Variants in SKAP2 observed in about 807,000 individuals in gnomAD.
SKAP2 encodes the protein src kinase associated phosphoprotein 2.
A neutral mutation model predicts 54.9 loss-of-function variants in SKAP2; 28 were observed. The ratio of observed to expected loss-of-function variants is 0.51; its 90% CI spans 0.38 to 0.70. SKAP2 has a LOEUF of 0.70. Ranked by LOEUF, SKAP2 falls within the 30% of genes least tolerant of loss-of-function variation. The pLI is 0.00. For synonymous variants in SKAP2, 137 were observed against 134.3 expected (o/e 1.02, Z -0.14); for missense variants, 356 against 424.1 (o/e 0.84, Z 1.41).
At chr7:26,825,036 T>C (rs909430598) in intron 4 of SKAP2, among the ~76,000 whole-genome samples, 3 of 152,218 alleles carry the variant, frequency 2.0e-5, no homozygotes, top group Non-Finnish European at 2.9e-5. Context: ...CACCAGGTCC[T>C]AGTGCTACAG....
chr7:26,731,856 C>T (rs1051618501), intron 6 of SKAP2, among the ~76,000 whole-genome samples: 6 of 152,196 alleles, frequency 3.9e-5, no homozygotes, highest in African/African-American at 1.4e-4. Flanking sequence ...TGCCACCTAC[C>T]AAAATCTAAA....
At chr7:26,708,276 T>A (rs555876510) in intron 9 of SKAP2, among the ~76,000 whole-genome samples, 1 of 152,366 alleles carries the variant, frequency 6.6e-6, no homozygotes, top group South Asian at 2.1e-4. Context: ...CGTGAATGTT[T>A]GCTGGGGCTT....
chr7:26,741,613 G>T (rs971603401), intron 4 of SKAP2, among the ~76,000 whole-genome samples: 7 of 151,838 alleles, frequency 4.6e-5, no homozygotes, highest in Admixed American at 1.3e-4. Flanking sequence ...AATATAATTG[G>T]ATTCTTTGTA....
intron 1 of SKAP2, among the ~76,000 whole-genome samples, chr7:26,855,653 CTCT>C (rs1785146977): frequency 6.6e-6 from 1 of 152,002 alleles, no homozygotes; most frequent in Non-Finnish European, 1.5e-5. Context: ...CCCTCATAGC[CTCT>C]TTTTTTAATT....
At chr7:26,718,825 A>G (rs1787517942) in intron 9 of SKAP2, among the ~76,000 whole-genome samples, 1 of 152,084 alleles carries the variant, frequency 6.6e-6, no homozygotes, top group African/African-American at 2.4e-5. Context: ...TTTTATGCAC[A>G]TCAGGAATAT....
intron 3 of SKAP2, among the ~76,000 whole-genome samples, chr7:26,849,686 C>CA (rs11327610): frequency 0.065 from 5,516 of 85,122 alleles, 309 homozygotes; most frequent in East Asian, 0.38. Context: ...GACTCCATCT[C>CA]AAAAAAAAAA....
chr7:26,804,841 C>G (rs756872494), intron 4 of SKAP2, among the ~76,000 whole-genome samples: 1 of 151,830 alleles, frequency 6.6e-6, no homozygotes, highest in Non-Finnish European at 1.5e-5. Flanking sequence ...AATTCACCAT[C>G]AACTAGTAAA....
chr7:26,663,537 CAA>C (rs902355058), downstream of SKAP2, among the ~76,000 whole-genome samples: 1 of 152,084 alleles, frequency 6.6e-6, no homozygotes, highest in African/African-American at 2.4e-5. Context: ...TCTCAACAAG[CAA>C]AAGTCAGGTC....
chr7:26,807,163 T>C (rs1311981894), intron 4 of SKAP2, among the ~76,000 whole-genome samples: 1 of 152,200 alleles, frequency 6.6e-6, no homozygotes, highest in Non-Finnish European at 1.5e-5. Flanking sequence ...CTGTGAACAT[T>C]GATGAAATGA....
rs1785334488 is a variant in SKAP2, at chr7:26,864,484, G to A, written c.-55C>T. 4 of 1,547,230 alleles carry A rather than the reference G, an allele frequency of 2.6e-6. No individual in the cohort carries two copies. The Admixed American group carries it at 5.9e-5, about 23-fold the overall frequency. ...GACCTGCGCTGAAAAGGTGACCGAC[G>A]GGGTGGGGCTGCGGCTGCGACCTAG... is the stretch of plus-strand genomic sequence containing the variant. On this transcript the variant is annotated 5_prime_UTR_variant, in exon 1 of 13. Transcript: ENST00000345317.
chr7:26,766,653 C>T (rs200098130), intron 4 of SKAP2, among the ~76,000 whole-genome samples: 1 of 152,070 alleles, frequency 6.6e-6, no homozygotes, highest in East Asian at 1.9e-4. Flanking sequence ...TCCATCAGTA[C>T]CTATTTTATT....
At chr7:26,803,544 T>A (rs938121615) in intron 4 of SKAP2, among the ~76,000 whole-genome samples, 3 of 152,060 alleles carry the variant, frequency 2.0e-5, no homozygotes, top group African/African-American at 7.2e-5. Context: ...ACAACTACCA[T>A]GGAAAACAGT....
At chr7:26,658,725 G>C in the SKAP2 span, among the ~76,000 whole-genome samples, 3 of 152,188 alleles carry the variant, frequency 2.0e-5, no homozygotes, top group South Asian at 6.2e-4. Context: ...CAAATGCATA[G>C]AGCAACCATA....
chr7:26,789,451 A>G (rs1783627870), intron 4 of SKAP2, among the ~76,000 whole-genome samples: 1 of 152,234 alleles, frequency 6.6e-6, no homozygotes, highest in African/African-American at 2.4e-5. Flanking sequence ...GTTGACGTAC[A>G]ATGCATTAAG....
chr7:26,861,824 A>G (rs925984640), intron 1 of SKAP2, among the ~76,000 whole-genome samples: 2 of 151,992 alleles, frequency 1.3e-5, no homozygotes, highest in Non-Finnish European at 2.9e-5. Context: ...TATGACATAT[A>G]ATGATTTAGT....
At chr7:26,733,392 CAG>C (rs1158391412) in intron 6 of SKAP2, among the ~76,000 whole-genome samples, 1 of 151,580 alleles carries the variant, frequency 6.6e-6, no homozygotes, top group Non-Finnish European at 1.5e-5. Context: ...TATAAAATGA[CAG>C]AATTTGTTTC....
chr7:26,854,099 GA>G, intron 3 of SKAP2, 37 bp downstream of exon 3: 8 of 1,476,672 alleles, frequency 5.4e-6, no homozygotes, highest in East Asian at 2.3e-5. Flanking sequence ...TTCCACAGAG[GA>G]AAAAAATTTT....
At chr7:26,676,102 G>C (rs1786344278) in intron 11 of SKAP2, among the ~76,000 whole-genome samples, 1 of 152,116 alleles carries the variant, frequency 6.6e-6, no homozygotes, top group African/African-American at 2.4e-5. Context: ...CTCTACAATA[G>C]TGCACTTAGG....
At chr7:26,745,544 A>G (rs1429994415) in intron 4 of SKAP2, among the ~76,000 whole-genome samples, 1 of 152,224 alleles carries the variant, frequency 6.6e-6, no homozygotes, top group African/African-American at 2.4e-5. Flanking sequence ...GTAGTAAACT[A>G]CCAAAAATGC....
Sources: allele counts gnomAD v4.1 joint callset (sites outside exome capture counted in the v4.1 genomes callset), GRCh38; gene constraint gnomAD v4.1.1; transcripts MANE v1.5; gene names NCBI Gene and HGNC (gene_info 2026-07-23, HGNC 2026-07-21).